The following CNTNAP3 variants were observed in gnomAD, a reference collection of about 807,000 sequenced individuals.
CNTNAP3 encodes the protein contactin-associated protein-like 3.
CNTNAP3 carries 36 observed loss-of-function variants against 92.1 expected under a neutral mutation model. The ratio of observed to expected loss-of-function variants is 0.39; its 90% CI spans 0.30 to 0.52. The LOEUF (loss-of-function observed/expected upper bound fraction) is 0.52, where lower values mean the gene tolerates loss of function less well. CNTNAP3 is among the 20% of genes least tolerant of loss of function. CNTNAP3 has a pLI of 0.76. For synonymous variants in CNTNAP3, 232 were observed against 422.3 expected, an observed-to-expected ratio of 0.55 and a Z score of 5.53; for missense variants, 534 against 1,069.6, an observed-to-expected ratio of 0.50 and a Z score of 6.98.
At chr9:39,137,239 G>A (rs1821461363) in intron 12 of CNTNAP3, among the ~76,000 whole-genome samples, 2 of 151,538 alleles carry the variant, frequency 1.3e-5, no homozygotes, top group Admixed American at 6.6e-5. Context: ...TTTCTATTGA[G>A]GTATCTCTAA....
At chr9:39,148,777 G>C (rs1036037963) in intron 10 of CNTNAP3, among the ~76,000 whole-genome samples, 1 of 152,058 alleles carries the variant, frequency 6.6e-6, no homozygotes, top group Non-Finnish European at 1.5e-5. Context: ...CGCTCTCCTC[G>C]GCCTCCCAAA....
chr9:39,134,511 G>A (rs1477122105), intron 12 of CNTNAP3, among the ~76,000 whole-genome samples: 1 of 151,922 alleles, frequency 6.6e-6, no homozygotes, highest in Admixed American at 6.6e-5. Context: ...TGCAGCCTCT[G>A]CCTCCTGGGT....
At chr9:39,099,171 G>A (rs1826393663) in intron 18 of CNTNAP3, among the ~76,000 whole-genome samples, 1 of 152,004 alleles carries the variant, frequency 6.6e-6, no homozygotes, top group Non-Finnish European at 1.5e-5. Context: ...GGCCAGGCTG[G>A]TCTTGAATTC....
At position 39,082,022 on chromosome 9, in the gene CNTNAP3, G is replaced by T. The variant is rs933433555; in HGVS notation, c.3443-3102C>A. On this transcript the variant is annotated intron_variant, in intron 21 of 23. Coordinates refer to ENST00000297668, the MANE Select transcript of CNTNAP3 (RefSeq NM_033655.5). Reference sequence around the variant, plus strand: ...GAATGGCGTGAACCCGGGAGGCAGAGCTTGCAGTGAGCCGAGTTCACGCCA... The same window carrying T: ...GAATGGCGTGAACCCGGGAGGCAGATCTTGCAGTGAGCCGAGTTCACGCCA... Among the ~76,000 whole-genome samples the T allele has an allele frequency of 5.2e-4, 78 of 150,322 alleles. 1 individual carries two copies. Among genetic ancestry groups the T allele is most frequent in the Non-Finnish European group, 1.1e-3 (73 of 67,792 alleles).
intron 17 of CNTNAP3, among the ~76,000 whole-genome samples, chr9:39,101,122 T>C (rs1826447701): frequency 1.3e-5 from 2 of 148,664 alleles, no homozygotes; most frequent in Non-Finnish European, 3.0e-5. Flanking sequence ...GTTTGACCCC[T>C]CCGTGTAGTC....
At chr9:39,088,183 A>AACT (rs1826106964) in intron 19 of CNTNAP3, among the ~76,000 whole-genome samples, 1 of 151,976 alleles carries the variant, frequency 6.6e-6, no homozygotes, top group South Asian at 2.1e-4. Flanking sequence ...TAAGAAATAT[A>AACT]ACTGCATATC....
intron 9 of CNTNAP3, chr9:39,159,748 G>T (rs538026808): frequency 7.7e-6 from 1 of 130,242 alleles, no homozygotes; most frequent in Admixed American, 7.5e-5. Context: ...ATTGTCCAAG[G>T]GTTTAGAACT....
intron 13 of CNTNAP3, among the ~76,000 whole-genome samples, chr9:39,122,311 C>A (rs1356867217): frequency 2.0e-5 from 3 of 152,144 alleles, no homozygotes; most frequent in African/African-American, 4.8e-5. Context: ...GCTGAGATGG[C>A]GCCACTGCAC....
intron 14 of CNTNAP3, among the ~76,000 whole-genome samples, chr9:39,116,506 A>G (rs184481421): frequency 8.2e-4 from 125 of 152,056 alleles, no homozygotes; most frequent in Non-Finnish European, 4.4e-4. Flanking sequence ...CATCATACAA[A>G]ATATTGTACA....
rs532459675 is a variant in CNTNAP3, at chr9:39,136,119, C to A, written c.1877-2984G>T. ...ACTCCAGCCTGGGTGACAGAGCAAG[C>A]CTCTGTCTCAAAATAATAATAATAA... On this transcript the variant is annotated intron_variant, in intron 12 of 23. Transcript: ENST00000297668. Among the ~76,000 whole-genome samples, 675 of 144,392 alleles carry A rather than the reference C, an allele frequency of 4.7e-3. 7 individuals are homozygous for A. Among genetic ancestry groups the A allele is most frequent in the Admixed American group, 0.011 (167 of 14,646 alleles). The allele number at this position is 144,392 out of a possible 152,430, so 94.7% of individuals were successfully genotyped here.
At position 39,116,135 on chromosome 9, in the gene CNTNAP3, G is replaced by C. The variant is rs1388074650; in HGVS notation, c.2237+1968C>G. Among the ~76,000 whole-genome samples the C allele has an allele frequency of 3.6e-4, 54 of 150,084 alleles. No homozygotes were observed. The East Asian group carries it at 8.6e-3, about 24-fold the overall frequency. On this transcript the variant is annotated intron_variant, in intron 14 of 23. Coordinates refer to ENST00000297668, the MANE Select transcript of CNTNAP3 (RefSeq NM_033655.5). ...CCACTGCATTCCAGCCTGGGCGACA[G>C]AGAGAGACTCTGTCTCAAAACAAAA...
chr9:39,139,537 G>A (rs2118085690), intron 12 of CNTNAP3, among the ~76,000 whole-genome samples: 1 of 152,192 alleles, frequency 6.6e-6, no homozygotes, highest in Non-Finnish European at 1.5e-5. Flanking sequence ...CTTTTTCCTT[G>A]ATGCTTGCTG....
chr9:39,110,958 T>C (rs1826732939), intron 14 of CNTNAP3, among the ~76,000 whole-genome samples: 2 of 152,172 alleles, frequency 1.3e-5, no homozygotes, highest in East Asian at 1.9e-4. Flanking sequence ...TTCTTTTGTA[T>C]GCATTTGTGG....
chr9:39,073,054 A>T lies in CNTNAP3; in HGVS notation c.*836T>A, dbSNP rs1825663384. On this transcript the variant is annotated 3_prime_UTR_variant, in exon 24 of 24. Coordinates refer to ENST00000297668, the MANE Select transcript of CNTNAP3 (RefSeq NM_033655.5). ...GTTACAAAAACTGTAATTACAAATT[A>T]CAAAGAAAAACAGGCAGACAATCTT... is the stretch of plus-strand genomic sequence containing the variant. 1.3e-5 allele frequency: 2 copies of T among 152,764 alleles called. No homozygotes were observed. Among genetic ancestry groups the T allele is most frequent in the South Asian group, 4.1e-4 (2 of 4,838 alleles). 9.5% of individuals were successfully genotyped at this position (152,764 alleles called of 1,614,324 possible).
intron 14 of CNTNAP3, among the ~76,000 whole-genome samples, chr9:39,114,170 C>T (rs925840602): frequency 1.8e-4 from 27 of 150,578 alleles, no homozygotes; most frequent in African/African-American, 6.6e-4. Flanking sequence ...GTAAGCTCTG[C>T]CTTCCAGCTT....
At chr9:39,076,885 A>C (rs1474163488) in intron 23 of CNTNAP3, among the ~76,000 whole-genome samples, 1 of 152,300 alleles carries the variant, frequency 6.6e-6, no homozygotes, top group Non-Finnish European at 1.5e-5. Context: ...GGAGAATGGG[A>C]GGCGGAGCTT....
At position 39,067,583 on chromosome 9, in the gene CNTNAP3, A is replaced by C. The variant is rs1463575462; in HGVS notation, c.*6307T>G. The stretch of plus-strand genomic sequence containing the variant: ...CGGCTAATTTTTGTATGTTTAGTAG[A>C]GACGGGGTTTCCACCTTGTTAGCAG... On this transcript the variant is annotated 3_prime_UTR_variant, in exon 24 of 24. Transcript: ENST00000297668. Among the ~76,000 whole-genome samples the C allele has an allele frequency of 1.1e-4, 17 of 152,264 alleles. No individual in the cohort carries two copies. Among genetic ancestry groups the C allele is most frequent in the Admixed American group, 3.3e-4 (5 of 15,286 alleles).
At position 39,075,063 on chromosome 9, in the gene CNTNAP3, C is replaced by T. The variant is rs979708800; in HGVS notation, c.3746-1052G>A. ...GATTACAGGCGTGAGCCACCGCGCCCGGCCGATAATATACTTCTCAAACGC... is the reference window on the plus strand; with the variant it reads ...GATTACAGGCGTGAGCCACCGCGCCTGGCCGATAATATACTTCTCAAACGC... On this transcript the variant is annotated intron_variant, in intron 23 of 23. Coordinates refer to ENST00000297668, the MANE Select transcript of CNTNAP3 (RefSeq NM_033655.5). Among the ~76,000 whole-genome samples the T allele has an allele frequency of 2.8e-4, 43 of 152,404 alleles. 1 individual carries two copies. Among genetic ancestry groups the T allele is most frequent in the African/African-American group, 9.6e-4 (40 of 41,604 alleles).
In CNTNAP3 at chr9:39,071,588, G is replaced by T. The variant is rs1437701770; in HGVS notation, c.*2302C>A. Among the ~76,000 whole-genome samples the T allele has an allele frequency of 1.3e-5, 2 of 151,982 alleles. No homozygotes were observed. Among genetic ancestry groups the T allele is most frequent in the African/African-American group, 2.4e-5 (1 of 41,402 alleles). The stretch of plus-strand genomic sequence containing the variant: ...ATGCTTTTACTTTTATGTTACAAAA[G>T]GGTGTTACTTGCAACTAGCATCTAT... On this transcript the variant is annotated 3_prime_UTR_variant, in exon 24 of 24. Coordinates refer to ENST00000297668, the MANE Select transcript of CNTNAP3 (RefSeq NM_033655.5).
Sources: gnomAD v4.1 joint callset for allele counts (sites outside exome capture counted in the v4.1 genomes callset) on GRCh38, gnomAD v4.1.1 for gene constraint, MANE v1.5 for transcripts, NCBI Gene and HGNC (gene_info 2026-07-23, HGNC 2026-07-21) for gene names.